Variants in BIRC6 observed in about 807,000 individuals in gnomAD.
The protein encoded by BIRC6 is dual E2 ubiquitin-conjugating enzyme/E3 ubiquitin-protein ligase BIRC6.
A neutral mutation model predicts 503.3 loss-of-function variants in BIRC6; 98 were observed. The ratio of observed to expected loss-of-function variants is 0.19; its 90% CI spans 0.17 to 0.23. BIRC6 has a LOEUF of 0.23. Among genes scored for constraint, BIRC6 ranks in the 10% least tolerant of loss-of-function variants. The pLI is 1.00. For missense variants in BIRC6, 5,360 were observed against 5,806.0 expected, an observed-to-expected ratio of 0.92 and a Z score of 2.50; for synonymous variants, 2,240 against 2,078.7, an observed-to-expected ratio of 1.08 and a Z score of -2.11.
At position 32,477,350 on chromosome 2, in the gene BIRC6, A is replaced by G. The variant is rs1458421487; in HGVS notation, c.6853-18A>G. 5.6e-6 allele frequency: 9 copies of G among 1,609,846 alleles called. No homozygotes were observed. Among genetic ancestry groups the G allele is most frequent in the African/African-American group, 4.0e-5 (3 of 74,788 alleles). On this transcript the variant is annotated intron_variant, in intron 34 of 73. Transcript: ENST00000421745. ...TTAAGTAAACATTGATTTAAACACT[A>G]TACATTTTTGTGTGCAGCACTTTAA...
rs755649079 is a variant in BIRC6, at chr2:32,543,343, G to A, written c.12394G>A (p.Ala4132Thr). The change falls in exon 62 of 74, where the codon GCA (alanine) becomes ACA (threonine). Residue 4132 changes from alanine to threonine, a missense_variant. Coordinates refer to ENST00000421745, the MANE Select transcript of BIRC6 (RefSeq NM_016252.4). ...ACAGTCAGGGGAGTTAGTTTATGAA[G>A]CACCAGAAACTGTTGCGGCTGAACC... ...IEQSGELVYE[A>T]PETVAAEPPP... The A allele has an allele frequency of 2.0e-5, 33 of 1,613,876 alleles. No homozygotes were observed. The highest frequency in any genetic ancestry group is 2.8e-5 in the Non-Finnish European group (33 of 1,179,900).
At chr2:32,606,074 G>T (rs1436370860) in intron 71 of BIRC6, among the ~76,000 whole-genome samples, 3 of 152,282 alleles carry the variant, frequency 2.0e-5, no homozygotes, top group East Asian at 3.9e-4. Context: ...CCCAACAAAA[G>T]TGTAATTGCT....
intron 46 of BIRC6, among the ~76,000 whole-genome samples, chr2:32,501,323 T>C (rs1398108218): frequency 6.6e-6 from 1 of 152,184 alleles, no homozygotes; most frequent in East Asian, 1.9e-4. Context: ...TCTTGATGTA[T>C]GTAGAGTGAT....
chr2:32,464,878 A>G (rs2148889682), intron 25 of BIRC6, 55 bp downstream of exon 25: 3 of 1,533,430 alleles, frequency 2.0e-6, no homozygotes, highest in South Asian at 1.3e-5. Context: ...ATCTTGAAAT[A>G]TACTCTAACT....
chr2:32,518,912 A>C lies in BIRC6; in HGVS notation c.11589A>C (p.Ser3863=), dbSNP rs143844258. ...TCCGTACTCTTCATTTGCCAGTCTC[A>C]ACAACATTATCAGATGTTCTTGACA... The part of the protein sequence containing the change: ...HKFRTLHLPV[S]TTLSDVLDRV... The change falls in exon 57 of 74, where the codon TCA becomes TCC. Residue 3863 remains serine (S), a synonymous_variant. Coordinates refer to ENST00000421745, the MANE Select transcript of BIRC6 (RefSeq NM_016252.4). 23 of 1,613,710 alleles carry C rather than the reference A, an allele frequency of 1.4e-5. No homozygotes were observed. In the African/African-American group the frequency reaches 2.9e-4, roughly 21 times the overall value.
intron 10 of BIRC6, 133 bp downstream of exon 10, chr2:32,416,296 A>C: frequency 1.1e-6 from 1 of 937,878 alleles, no homozygotes. Flanking sequence ...GAAGTGGTAA[A>C]TCCTTCTTTT....
chr2:32,373,572 A>G (rs2036284065), intron 1 of BIRC6, among the ~76,000 whole-genome samples: 1 of 152,210 alleles, frequency 6.6e-6, no homozygotes. Flanking sequence ...CATATACAAA[A>G]TACAACAACG....
chr2:32,448,519 C>G (rs555051855), intron 21 of BIRC6, among the ~76,000 whole-genome samples: 18 of 152,174 alleles, frequency 1.2e-4, no homozygotes, highest in African/African-American at 4.1e-4. Context: ...GGCGTGGCGA[C>G]GCGCGCCTGC....
chr2:32,374,381 C>G (rs183444149), intron 1 of BIRC6, among the ~76,000 whole-genome samples: 5 of 152,182 alleles, frequency 3.3e-5, no homozygotes, highest in Non-Finnish European at 7.4e-5. Flanking sequence ...TCACTGTAGC[C>G]TTGAACTCCT....
intron 1 of BIRC6, among the ~76,000 whole-genome samples, chr2:32,372,174 T>A (rs1411532630): frequency 6.6e-6 from 1 of 152,112 alleles, no homozygotes; most frequent in Non-Finnish European, 1.5e-5. Context: ...AAGTTGTCTA[T>A]TTTTTGTGTA....
chr2:32,575,596 C>T (rs1056743517), intron 66 of BIRC6, among the ~76,000 whole-genome samples: 1 of 152,030 alleles, frequency 6.6e-6, no homozygotes, highest in African/African-American at 2.4e-5. Flanking sequence ...AACCCCGTCT[C>T]TACTAAAAAT....
At position 32,415,715 on chromosome 2, in the gene BIRC6, G is replaced by A; in HGVS notation, c.2424G>A (p.Gln808=). Residue 808 remains glutamine, a synonymous_variant, in exon 10 of 74, where the codon CAG becomes CAA. Transcript: ENST00000421745. ...AACATGAATCACCAGCAGATGTACA[G>A]ACTCCTTTAATAATTCAGCCTGAGC... ...VIQHESPADV[Q]TPLIIQPEQR... 6.2e-7 allele frequency: 1 copy of A among 1,613,842 alleles called. No individual in the cohort carries two copies.
intron 32 of BIRC6, among the ~76,000 whole-genome samples, chr2:32,472,257 C>G (rs187183623): frequency 4.6e-5 from 7 of 152,012 alleles, no homozygotes; most frequent in African/African-American, 1.7e-4. Flanking sequence ...TTAGTAGGGA[C>G]GAGGTTTCAC....
At chr2:32,499,173 T>C (rs2052849670) in intron 45 of BIRC6, among the ~76,000 whole-genome samples, 1 of 152,236 alleles carries the variant, frequency 6.6e-6, no homozygotes, top group South Asian at 2.1e-4. Context: ...CAGTAGGAAA[T>C]GTTTACAATA....
Position 32,550,624 on chromosome 2 carries a change from T to C in BIRC6, c.13144+1143T>C, listed in dbSNP as rs1559034163. Reference sequence around the variant, plus strand: ...TTCTTTTTATCTCACTTCTCTATTATTAAACTATTATTTTCTTAATCCTTA... The same window carrying C: ...TTCTTTTTATCTCACTTCTCTATTACTAAACTATTATTTTCTTAATCCTTA... On this transcript the variant is annotated intron_variant, in intron 65 of 73. Transcript: ENST00000421745. Among the ~76,000 whole-genome samples, 4 of 152,268 alleles carry C rather than the reference T, an allele frequency of 2.6e-5. No homozygotes were observed. The South Asian group carries it at 8.3e-4, about 32-fold the overall frequency.
At chr2:32,516,685 A>C (rs2055080803) in intron 55 of BIRC6, among the ~76,000 whole-genome samples, 1 of 151,966 alleles carries the variant, frequency 6.6e-6, no homozygotes, top group Non-Finnish European at 1.5e-5. Flanking sequence ...TGATAATCAT[A>C]ATTTATTATT....
chr2:32,521,365 CAAAAAAAAAAAAA>C (rs35410265), intron 57 of BIRC6, among the ~76,000 whole-genome samples: 10 of 21,506 alleles, frequency 4.6e-4, no homozygotes, highest in Admixed American at 1.1e-3. Context: ...GACCTCATCT[CAAAAAAAAAAAAA>C]AAAAAAAAAA....
At chr2:32,535,489 T>C (rs1439945280) in intron 61 of BIRC6, among the ~76,000 whole-genome samples, 9 of 152,128 alleles carry the variant, frequency 5.9e-5, no homozygotes. Context: ...GTGTGTGATG[T>C]TCCCCTTCCC....
intron 9 of BIRC6, among the ~76,000 whole-genome samples, chr2:32,407,858 G>T (rs1380930903): frequency 6.7e-6 from 1 of 150,134 alleles, no homozygotes; most frequent in African/African-American, 2.4e-5. Flanking sequence ...GTTAAAAATT[G>T]TTTTTTTTTC....
Sources: gnomAD v4.1 joint callset for allele counts (sites outside exome capture counted in the v4.1 genomes callset) on GRCh38, gnomAD v4.1.1 for gene constraint, MANE v1.5 for transcripts, NCBI Gene and HGNC (gene_info 2026-07-23, HGNC 2026-07-21) for gene names.